Variants in ZNF780B observed in about 807,000 individuals in gnomAD.
ZNF780B encodes zinc finger protein 779.
Under a neutral mutation model 74.1 loss-of-function variants are expected in ZNF780B, and 52 were observed. The observed-to-expected ratio is 0.70, with a 90% CI of 0.56 to 0.88. The LOEUF (loss-of-function observed/expected upper bound fraction) is 0.88, where lower values mean the gene tolerates loss of function less well. Ranked by LOEUF, ZNF780B falls within the 40% of genes least tolerant of loss-of-function variation. ZNF780B has a pLI of 0.00. For missense variants in ZNF780B, 953 were observed against 1,007.6 expected, an observed-to-expected ratio of 0.95 and a Z score of 0.73; for synonymous variants, 315 against 324.3, an observed-to-expected ratio of 0.97 and a Z score of 0.31.
At chr19:40,036,733 A>G in intron 4 of ZNF780B, 107 bp from the exon 5 acceptor site, 2 of 691,984 alleles carry the variant, frequency 2.9e-6, no homozygotes, top group Admixed American at 7.0e-5. Context: ...CTTTCAGGGA[A>G]GGGATCTGAA....
In ZNF780B at chr19:40,034,734, G is replaced by T; in HGVS notation, c.2125C>A (p.His709Asn). Reference sequence around the variant, plus strand: ...CGGTAATGTTCAGTAAGCTGGTAATGATATCTAAAGGTCTTCCTACACTCC... The same window carrying T: ...CGGTAATGTTCAGTAAGCTGGTAATTATATCTAAAGGTCTTCCTACACTCC... ...CKECRKTFRY[H>N]YQLTEHYRIH... The change falls in exon 5 of 5, where the codon CAT becomes AAT. Residue 709 changes from histidine to asparagine, a missense_variant. By Grantham distance (68) the His-to-Asn change is moderately conservative. Coordinates refer to ENST00000434248, the MANE Select transcript of ZNF780B (RefSeq NM_001005851.3). The T allele has an allele frequency of 6.2e-7, 1 of 1,613,970 alleles. No homozygotes were observed. The highest frequency in any genetic ancestry group is 8.5e-7 in the Non-Finnish European group (1 of 1,179,980).
rs765367540 is a variant in ZNF780B, at chr19:40,035,479, A to G, written c.1380T>C (p.Leu460=). ...CEMAFRYHYQ[L]IQHCQIHTGG... ...CAGTATGAATTTGGCAATGTTGAAT[A>G]AGTTGGTAATGATATCGAAAGGCCA... Residue 460 remains leucine (L), a synonymous_variant, in exon 5 of 5, where the codon CTT becomes CTC. Coordinates refer to ENST00000434248, the MANE Select transcript of ZNF780B (RefSeq NM_001005851.3). 6 of 1,613,984 alleles carry G rather than the reference A, an allele frequency of 3.7e-6. No individual in the cohort carries two copies. The Admixed American group carries it at 6.7e-5, about 18-fold the overall frequency.
chr19:40,037,996 T>C (rs939118665), intron 4 of ZNF780B, among the ~76,000 whole-genome samples: 2 of 151,804 alleles, frequency 1.3e-5, no homozygotes, highest in African/African-American at 2.4e-5. Flanking sequence ...ATGTGCCATG[T>C]TGGTGTGCTG....
intron 1 of ZNF780B, among the ~76,000 whole-genome samples, chr19:40,055,089 G>A (rs1222852398): frequency 1.3e-5 from 2 of 152,180 alleles, no homozygotes; most frequent in Admixed American, 6.5e-5. Context: ...TCAGAAACCT[G>A]GCGTGTGATT....
In ZNF780B at chr19:40,055,290, CGGCACAATGGGAGGG is replaced by C. The variant is rs1447204626; in HGVS notation, c.-46+884_-46+898del. The C allele has an allele frequency of 7.9e-5, 12 of 151,836 alleles. No homozygotes were observed. The East Asian group carries it at 2.3e-3, about 29-fold the overall frequency. The allele number at this position is 151,836 out of a possible 1,614,324, so 9.4% of individuals were successfully genotyped here. On this transcript the variant is annotated intron_variant, in intron 1 of 4. Transcript: ENST00000434248. Reference sequence around the variant, plus strand: ...GGGTGGGGAACGGCTCGCTGGGAGGCGGCACAATGGGAGGGGGCAAGAATCAATTTGCATATTCTC... The same window carrying C: ...GGGTGGGGAACGGCTCGCTGGGAGGCGGCAAGAATCAATTTGCATATTCTC...
At chr19:40,051,638 T>C (rs1973239428) in intron 1 of ZNF780B, among the ~76,000 whole-genome samples, 1 of 152,200 alleles carries the variant, frequency 6.6e-6, no homozygotes, top group Non-Finnish European at 1.5e-5. Context: ...AACAAAAAAC[T>C]GTGCCTGTCA....
At position 40,034,078 on chromosome 19, in the gene ZNF780B, TTTTC is replaced by T; in HGVS notation, c.*275_*278del. The stretch of plus-strand genomic sequence containing the variant: ...AAGATCATAATTACTGCTAAAGGCC[TTTTC>T]ACATTCCTTACATTCATAGGGTTTC... On this transcript the variant is annotated 3_prime_UTR_variant, in exon 5 of 5. Transcript: ENST00000434248. 4.0e-6 allele frequency: 2 copies of T among 498,378 alleles called. No individual in the cohort carries two copies. The highest frequency in any genetic ancestry group is 6.0e-4 in the Middle Eastern group (2 of 3,310). 30.9% of individuals were successfully genotyped at this position (498,378 alleles called of 1,614,324 possible).
chr19:40,051,073 A>G (rs1973207386), intron 1 of ZNF780B, among the ~76,000 whole-genome samples: 1 of 152,240 alleles, frequency 6.6e-6, no homozygotes, highest in African/African-American at 2.4e-5. Context: ...AATAGACATC[A>G]ATACAAAAAT....
Position 40,031,697 on chromosome 19 carries a change from T to C in ZNF780B, c.*2660A>G, listed in dbSNP as rs1328247808. The stretch of plus-strand genomic sequence containing the variant: ...CAAAGGGTGCCAGTTTTGTACTGAG[T>C]ACAGTGTCAGCCATATCACACAAGT... On this transcript the variant is annotated 3_prime_UTR_variant, in exon 5 of 5. Coordinates refer to ENST00000434248, the MANE Select transcript of ZNF780B (RefSeq NM_001005851.3). 5.0e-6 allele frequency: 1 copy of C among 198,862 alleles called. No individual in the cohort carries two copies. Among genetic ancestry groups the C allele is most frequent in the Non-Finnish European group, 1.0e-5 (1 of 95,320 alleles). The allele number at this position is 198,862 out of a possible 1,614,324, so 12.3% of individuals were successfully genotyped here.
At chr19:40,043,749 A>G (rs373861623) in intron 4 of ZNF780B, among the ~76,000 whole-genome samples, 3 of 152,178 alleles carry the variant, frequency 2.0e-5, no homozygotes, top group African/African-American at 7.2e-5. Context: ...TTTTAAGCCC[A>G]TTGGAAAAGC....
chr19:40,035,829 G>A lies in ZNF780B; in HGVS notation c.1030C>T (p.Leu344Phe), dbSNP rs769055437. 1.2e-6 allele frequency: 2 copies of A among 1,614,046 alleles called. No individual in the cohort carries two copies. The highest frequency in any genetic ancestry group is 2.2e-5 in the South Asian group (2 of 91,080). Residue 344 changes from leucine (L) to phenylalanine (F), a missense_variant, in exon 5 of 5, where the codon CTT becomes TTT. Leu to Phe is a conservative substitution (Grantham distance 22). Transcript: ENST00000434248. ...TGATGTCGAACAAGCTTTGTCAGAAGAGTAAAGGCCTTTCTGCATTCTTTA... is the reference window on the plus strand; with the variant it reads ...TGATGTCGAACAAGCTTTGTCAGAAAAGTAAAGGCCTTTCTGCATTCTTTA... ...ECKECRKAFT[L>F]LTKLVRHQKI...
rs146118210 is a variant in ZNF780B, at chr19:40,048,739, G to A, written c.67C>T (p.Leu23=). The change falls in exon 3 of 5, where the codon CTG becomes TTG. Residue 23 remains leucine, a synonymous_variant. Transcript: ENST00000434248. ...IDFSQEEWEC[L]QPDQRTLYRD... ...TACAAGGTCCTCTGATCAGGCTGCA[G>A]GCACTCCCACTCCTCCTGAGAGAAG... 7.9e-4 allele frequency: 1,274 copies of A among 1,614,198 alleles called. 11 individuals are homozygous for A. In the East Asian group the frequency reaches 0.019, roughly 24 times the overall value.
Position 40,047,412 on chromosome 19 carries a change from C to T in ZNF780B, c.195G>A (p.Trp65Ter). 1.2e-6 allele frequency: 2 copies of T among 1,613,912 alleles called. No individual in the cohort carries two copies. The highest frequency in any genetic ancestry group is 1.1e-5 in the South Asian group (1 of 91,076). The change falls in exon 4 of 5, where the codon TGG becomes TGA. Residue 65 changes from tryptophan to a stop codon, truncating the protein, a stop_gained. Coordinates refer to ENST00000434248, the MANE Select transcript of ZNF780B (RefSeq NM_001005851.3). LOFTEE classifies it high-confidence loss of function. ...TGCTTGTTTCTTTACTTACAACAAT[C>T]CAGGGCTCTTTCTCTTGCTCTAGTA... The part of the protein sequence containing the change: ...ITLLEQEKEP[W>*]IVVSKETSRW...
intron 4 of ZNF780B, among the ~76,000 whole-genome samples, chr19:40,037,049 G>A (rs1415503599): frequency 1.3e-5 from 2 of 151,762 alleles, no homozygotes; most frequent in East Asian, 3.9e-4. Flanking sequence ...AGAGTAGCTG[G>A]GATTACAAAC....
chr19:40,041,973 C>A (rs1465417270), intron 4 of ZNF780B, among the ~76,000 whole-genome samples: 1 of 150,474 alleles, frequency 6.6e-6, no homozygotes, highest in African/African-American at 2.4e-5. Context: ...TTATTTTGCT[C>A]ATTACTTGAT....
rs1458577592 is a variant in ZNF780B, at chr19:40,029,778, A to G, written c.*4579T>C. On this transcript the variant is annotated 3_prime_UTR_variant, in exon 5 of 5. Transcript: ENST00000434248. Reference sequence around the variant, plus strand: ...AGAGGCATGGGGGACATGAACCAACAAACAGGGTCAGTCTTAAACATCCTC... The same window carrying G: ...AGAGGCATGGGGGACATGAACCAACGAACAGGGTCAGTCTTAAACATCCTC... The G allele has an allele frequency of 6.6e-6, 1 of 152,204 alleles. No individual in the cohort carries two copies. Among genetic ancestry groups the G allele is most frequent in the Non-Finnish European group, 1.5e-5 (1 of 68,038 alleles). 9.4% of individuals were successfully genotyped at this position (152,204 alleles called of 1,614,324 possible).
rs1361499290 is a variant in ZNF780B at position 40,033,419 on chromosome 19, T to G, written c.*938A>C. ...TGTGAACATGGCAGCTACTCTACAT[T>G]CCTCACATCAGTAACTTTCTCACCA... On this transcript the variant is annotated 3_prime_UTR_variant, in exon 5 of 5. Transcript: ENST00000434248. The G allele has an allele frequency of 2.6e-5, 4 of 154,744 alleles. No homozygotes were observed. Among genetic ancestry groups the G allele is most frequent in the African/African-American group, 9.6e-5 (4 of 41,532 alleles). 9.6% of individuals were successfully genotyped at this position (154,744 alleles called of 1,614,324 possible).
chr19:40,047,625 TA>T (rs371269163), intron 3 of ZNF780B, among the ~76,000 whole-genome samples, 155 bp from the exon 4 acceptor site: 405 of 141,260 alleles, frequency 2.9e-3, no homozygotes, highest in Middle Eastern at 7.2e-3. Flanking sequence ...CAACTATGTT[TA>T]AAAAAAAAAA....
rs558483797 is a variant in ZNF780B, at chr19:40,035,555, T to C, written c.1304A>G (p.His435Arg). Reference protein sequence around the residue: ...GFNRGANLIQHQKIHSNEKPF... With the variant: ...GFNRGANLIQRQKIHSNEKPF... ...TTTCTCATTGGAATGAATTTTTTGA[T>C]GCTGAATAAGATTTGCACCACGATT... The change falls in exon 5 of 5, where the codon CAT becomes CGT. Residue 435 changes from histidine to arginine, a missense_variant. Transcript: ENST00000434248. The C allele has an allele frequency of 6.2e-6, 10 of 1,613,550 alleles. No individual in the cohort carries two copies. The highest frequency in any genetic ancestry group is 4.5e-5 in the East Asian group (2 of 44,806).
Sources: allele counts gnomAD v4.1 joint callset (sites outside exome capture counted in the v4.1 genomes callset), GRCh38; gene constraint gnomAD v4.1.1; transcripts MANE v1.5; gene names NCBI Gene and HGNC (gene_info 2026-07-23, HGNC 2026-07-21).